MAPT: variants seen among roughly 807,000 people sequenced by gnomAD.
The protein encoded by MAPT is microtubule associated protein tau.
A neutral mutation model predicts 67.9 loss-of-function variants in MAPT; 34 were observed. That is an observed-to-expected ratio of 0.50 (90% CI 0.38 to 0.67). The LOEUF (loss-of-function observed/expected upper bound fraction) is 0.67, where lower values mean the gene tolerates loss of function less well. Among genes scored for constraint, MAPT ranks in the 30% least tolerant of loss-of-function variants. The pLI, the probability that MAPT is intolerant of heterozygous loss-of-function variation, is 0.00. For missense variants in MAPT, 881 were observed against 1,115.2 expected (o/e 0.79, Z 2.99); for synonymous variants, 456 against 464.5 (o/e 0.98, Z 0.23).
At chr17:45,936,009 A>T (rs549437901) in intron 1 of MAPT, among the ~76,000 whole-genome samples, 1 of 152,040 alleles carries the variant, frequency 6.6e-6, no homozygotes, top group South Asian at 2.1e-4. Context: ...CCACTCCCAA[A>T]CCCAACCCCC....
At chr17:46,023,834 C>A in intron 12 of MAPT, 122 bp from the exon 13 acceptor site, 1 of 806,860 alleles carries the variant, frequency 1.2e-6, no homozygotes, top group Non-Finnish European at 2.1e-6. Flanking sequence ...GAGCAAGACC[C>A]TGTCTCAAAA....
At chr17:46,012,478 C>T (rs2075882991) in intron 10 of MAPT, among the ~76,000 whole-genome samples, 1 of 152,164 alleles carries the variant, frequency 6.6e-6, no homozygotes, top group Non-Finnish European at 1.5e-5. Flanking sequence ...TCACAGGAAG[C>T]CCTTCTCCTG....
intron 9 of MAPT, among the ~76,000 whole-genome samples, chr17:46,006,984 A>AAATAAAAT (rs1568322221): frequency 1.1e-4 from 9 of 85,526 alleles, no homozygotes; most frequent in African/African-American, 3.2e-4. Flanking sequence ...TAAAATAAAT[A>AAATAAAAT]AAATAAAATA....
chr17:45,966,179 T>C (rs2071061224), intron 2 of MAPT, among the ~76,000 whole-genome samples: 1 of 152,240 alleles, frequency 6.6e-6, no homozygotes, highest in South Asian at 2.1e-4. Flanking sequence ...AAATGTACCA[T>C]GATCCTGTAA....
intron 9 of MAPT, among the ~76,000 whole-genome samples, chr17:45,997,215 A>G (rs62063852): frequency 0.15 from 22,072 of 152,192 alleles, 2,146 homozygotes; most frequent in Non-Finnish European, 0.22. Context: ...AGAAGCACAG[A>G]CTTCGGGGGC....
In MAPT at chr17:45,962,331, A is replaced by T. The variant is rs770896702; in HGVS notation, c.-7A>T. 2.5e-6 allele frequency: 4 copies of T among 1,611,694 alleles called. No homozygotes were observed. Among genetic ancestry groups the T allele is most frequent in the Non-Finnish European group, 3.4e-6 (4 of 1,179,764 alleles). On this transcript the variant is annotated 5_prime_UTR_variant, in exon 2 of 13. Transcript: ENST00000262410. ...CTCTTCTTTCCCCAGGTGAACTTTG[A>T]ACCAGGATGGCTGAGCCCCGCCAGG... is the stretch of plus-strand genomic sequence containing the variant.
In MAPT at chr17:45,955,330, T is replaced by A. The variant is rs550546145; in HGVS notation, c.-17-6991T>A. Among the ~76,000 whole-genome samples, 14 of 152,360 alleles carry A rather than the reference T, an allele frequency of 9.2e-5. No homozygotes were observed. In the East Asian group the frequency reaches 2.3e-3, roughly 25 times the overall value. On this transcript the variant is annotated intron_variant, in intron 1 of 12. Coordinates refer to ENST00000262410, the MANE Select transcript of MAPT (RefSeq NM_001377265.1). ...CTAGTATTTTCTCAAATACACTTCT[T>A]GGCTCCATTCCTTCCTTTCCATCAC...
Position 46,019,792 on chromosome 17 carries a change from G to A in MAPT, c.2286+1062G>A, listed in dbSNP as rs564248884. Among the ~76,000 whole-genome samples the A allele has an allele frequency of 2.4e-4, 36 of 151,600 alleles. 1 individual carries two copies. The South Asian group carries it at 7.3e-3, about 31-fold the overall frequency. The stretch of plus-strand genomic sequence containing the variant: ...CTTGGGAGGCGAAGGTGGGCAGATG[G>A]CTTGAGGTCAGGAGTTCAAGACCAG... On this transcript the variant is annotated intron_variant, in intron 12 of 12. Transcript: ENST00000262410.
chr17:45,936,543 A>G (rs1299058933), intron 1 of MAPT, among the ~76,000 whole-genome samples: 1 of 152,214 alleles, frequency 6.6e-6, no homozygotes, highest in African/African-American at 2.4e-5. Flanking sequence ...GCAGCTCCCA[A>G]ATCCACCCCT....
intron 8 of MAPT, among the ~76,000 whole-genome samples, chr17:45,993,058 C>G (rs1393950183): frequency 1.3e-5 from 2 of 152,192 alleles, no homozygotes; most frequent in East Asian, 3.8e-4. Context: ...CTTGGTGGCA[C>G]GGGCAGCCTA....
intron 4 of MAPT, among the ~76,000 whole-genome samples, chr17:45,981,096 G>A (rs1417772137): frequency 2.0e-5 from 3 of 152,192 alleles, no homozygotes; most frequent in South Asian, 2.1e-4. Context: ...TCTTGGGGAT[G>A]AGCCCATGTC....
At chr17:45,976,287 C>T (rs1415980932) in intron 3 of MAPT, 1 of 152,262 alleles carries the variant, frequency 6.6e-6, no homozygotes, top group Non-Finnish European at 1.5e-5. Flanking sequence ...TGACCACAGT[C>T]CACCAGGTCC....
Position 45,996,788 on chromosome 17 carries a change from T to G in MAPT, c.1998+124T>G, listed in dbSNP as rs2074518296. The G allele has an allele frequency of 1.5e-6, 2 of 1,364,328 alleles. No individual in the cohort carries two copies. The highest frequency in any genetic ancestry group is 1.5e-5 in the African/African-American group (1 of 68,608). The allele number at this position is 1,364,328 out of a possible 1,614,324, so 84.5% of individuals were successfully genotyped here. ...GAGCGTGGAGTCGTGGGACTGTGCA[T>G]GGAGGTGTGGGGCTCCCCGCACCTG... On this transcript the variant is annotated intron_variant, in intron 9 of 12. Transcript: ENST00000262410. This position sits in a 1 kb window ranked among gnomAD's most constrained non-coding sequence, Gnocchi z 4.5.
chr17:45,990,675 A>T (rs150182923), intron 7 of MAPT, among the ~76,000 whole-genome samples: 1 of 152,258 alleles, frequency 6.6e-6, no homozygotes, highest in East Asian at 1.9e-4. Flanking sequence ...GGCAAGAGAA[A>T]TGCTTCCAGA....
At chr17:45,920,173 C>T (rs1466194266) in intron 1 of MAPT, among the ~76,000 whole-genome samples, 1 of 152,174 alleles carries the variant, frequency 6.6e-6, no homozygotes, top group African/African-American at 2.4e-5. Flanking sequence ...GCTCTGGTGC[C>T]TATTTTTGTT....
At chr17:46,018,525 G>T (rs918596527) in intron 11 of MAPT, 93 bp from the exon 12 acceptor site, 35 of 954,602 alleles carry the variant, frequency 3.7e-5, no homozygotes, top group Admixed American at 5.1e-5. Flanking sequence ...CTGGCACTTT[G>T]CCCTGTAGAC....
Position 45,983,027 on chromosome 17 carries a change from A to G in MAPT, c.448A>G (p.Ser150Gly), listed in dbSNP as rs1282097084. ...AGAAGCTCCCGTCCCGCTGACCGCGAGCCTTCCTCAGCACCGTCCCGTTTG... is the reference window on the plus strand; with the variant it reads ...AGAAGCTCCCGTCCCGCTGACCGCGGGCCTTCCTCAGCACCGTCCCGTTTG... ...EPEAPVPLTASLPQHRPVCPA... is the reference protein window; with the variant it reads ...EPEAPVPLTAGLPQHRPVCPA... Residue 150 changes from serine to glycine, a missense_variant, in exon 5 of 13, where the codon AGC (serine) becomes GGC (glycine). Transcript: ENST00000262410. 6.8e-7 allele frequency: 1 copy of G among 1,480,108 alleles called. No homozygotes were observed. The highest frequency in any genetic ancestry group is 1.4e-5 in the African/African-American group (1 of 70,832). The allele number at this position is 1,480,108 out of a possible 1,614,324, so 91.7% of individuals were successfully genotyped here.
intron 1 of MAPT, among the ~76,000 whole-genome samples, chr17:45,902,863 C>T (rs1172586948): frequency 6.6e-6 from 1 of 152,140 alleles, no homozygotes; most frequent in African/African-American, 2.4e-5. Context: ...CTCCTTTGGC[C>T]CCGTCCACCC....
intron 9 of MAPT, among the ~76,000 whole-genome samples, chr17:46,005,433 C>G (rs1482609088): frequency 6.6e-6 from 1 of 152,168 alleles, no homozygotes; most frequent in Non-Finnish European, 1.5e-5. Flanking sequence ...GGCAAATCTT[C>G]TAAGCCTTAT....
Sources: gnomAD v4.1 joint callset for allele counts (sites outside exome capture counted in the v4.1 genomes callset) on GRCh38, gnomAD v4.1.1 for gene constraint, Gnocchi (gnomAD v3.1) non-coding constraint, MANE v1.5 for transcripts, NCBI Gene and HGNC (gene_info 2026-07-23, HGNC 2026-07-21) for gene names.